The following RUFY1 variants were observed in gnomAD, a reference collection of about 807,000 sequenced individuals.
RUFY1 encodes the protein RUN and FYVE domain containing 1.
Under a neutral mutation model 94.6 loss-of-function variants are expected in RUFY1, and 54 were observed. That is an observed-to-expected ratio of 0.57 (90% CI 0.46 to 0.72). The LOEUF (loss-of-function observed/expected upper bound fraction) is 0.72. RUFY1 is among the 30% of genes least tolerant of loss of function. The probability of loss-of-function intolerance (pLI) is 0.00; values close to 1 mark genes in which losing one functional copy is unlikely to be tolerated. For missense variants in RUFY1, 883 were observed against 883.9 expected, an observed-to-expected ratio of 1.00 and a Z score of 0.01; for synonymous variants, 396 against 347.3, an observed-to-expected ratio of 1.14 and a Z score of -1.56.
intron 1 of RUFY1, chr5:179,555,526 G>A (rs1762069293): frequency 7.0e-6 from 2 of 287,328 alleles, no homozygotes; most frequent in Admixed American, 4.3e-5. Flanking sequence ...AACACTGCCA[G>A]CAGCACTTCC....
At chr5:179,567,329 A>C (rs1270852729) in intron 3 of RUFY1, 132 bp from the exon 4 acceptor site, 18 of 687,258 alleles carry the variant, frequency 2.6e-5, no homozygotes, top group Admixed American at 2.0e-4. Flanking sequence ...CCCAACCCCA[A>C]ACAGCCATTC....
intron 7 of RUFY1, among the ~76,000 whole-genome samples, chr5:179,581,549 TCCCCTCTAGAGA>T (rs1764163351): frequency 6.6e-6 from 1 of 150,970 alleles, no homozygotes; most frequent in African/African-American, 2.4e-5. Context: ...CCTTTCTGAG[TCCCCTCTAGAGA>T]GTACATTGCA....
At chr5:179,555,942 C>T (rs1172427611) in intron 1 of RUFY1, among the ~76,000 whole-genome samples, 1 of 151,920 alleles carries the variant, frequency 6.6e-6, no homozygotes, top group Non-Finnish European at 1.5e-5. Flanking sequence ...AAGTGATCTG[C>T]CCACCTCGGC....
chr5:179,589,335 TA>T (rs1352908488), intron 8 of RUFY1: 8 of 506,762 alleles, frequency 1.6e-5, no homozygotes, highest in African/African-American at 1.6e-4. Flanking sequence ...CAGAGATGGC[TA>T]GGGGCAAGGG....
chr5:179,565,164 CTTTTTTTTT>C (rs138223106), intron 3 of RUFY1, among the ~76,000 whole-genome samples: 236 of 71,952 alleles, frequency 3.3e-3, no homozygotes, highest in African/African-American at 0.012. Context: ...TCTAGGTTTT[CTTTTTTTTT>C]TTTTTTTTTT....
At chr5:179,588,950 C>G (rs1457076118) in intron 8 of RUFY1, among the ~76,000 whole-genome samples, 1 of 152,024 alleles carries the variant, frequency 6.6e-6, no homozygotes, top group Non-Finnish European at 1.5e-5. Flanking sequence ...AGGCTGGTCT[C>G]GAACTCCTGG....
intron 5 of RUFY1, among the ~76,000 whole-genome samples, chr5:179,573,446 C>G (rs1763371658): frequency 6.6e-6 from 1 of 152,150 alleles, no homozygotes; most frequent in Non-Finnish European, 1.5e-5. Flanking sequence ...CTGCTGATGT[C>G]TGAGGGATGC....
At chr5:179,563,190 T>A (rs1001099938) in intron 3 of RUFY1, among the ~76,000 whole-genome samples, 2 of 152,148 alleles carry the variant, frequency 1.3e-5, no homozygotes, top group African/African-American at 4.8e-5. Flanking sequence ...CTTGAGCCAA[T>A]GCAAAAGAAC....
At chr5:179,582,823 A>C (rs1285665336) in intron 7 of RUFY1, among the ~76,000 whole-genome samples, 1 of 152,186 alleles carries the variant, frequency 6.6e-6, no homozygotes, top group Non-Finnish European at 1.5e-5. Flanking sequence ...AGCCTGGGCA[A>C]CAAGAGCGAA....
rs757183321 is a variant in RUFY1 at position 179,607,651 on chromosome 5, C to T, written c.1975C>T (p.Arg659Trp). The T allele has an allele frequency of 8.1e-6, 13 of 1,613,846 alleles. No individual in the cohort carries two copies. The highest frequency in any genetic ancestry group is 4.4e-5 in the South Asian group (4 of 91,076). Residue 659 changes from arginine to tryptophan, a missense_variant, in exon 17 of 18, where the codon CGG becomes TGG. Physicochemically the swap from Arg to Trp is moderately radical, Grantham distance 101. Transcript: ENST00000319449. ...RQCEKEFSIS[R>W]RKHHCRNCGH... ...GTGTGAGAAGGAGTTCTCCATTTCC[C>T]GGAGAAAGGTACGTGGGGGCTCCAC...
chr5:179,607,041 G>C (rs1767162693), intron 16 of RUFY1: 1 of 159,188 alleles, frequency 6.3e-6, no homozygotes. Flanking sequence ...CCCCAGGGCT[G>C]GTCAAGAATC....
chr5:179,604,896 ATT>A (rs577214981), intron 15 of RUFY1, among the ~76,000 whole-genome samples: 169 of 151,628 alleles, frequency 1.1e-3, no homozygotes, highest in African/African-American at 4.0e-3. Flanking sequence ...AGGCAGGAGA[ATT>A]GCTTGAGCCC....
chr5:179,579,657 C>CTTTTTT lies in RUFY1; in HGVS notation c.891-1273_891-1268dup, dbSNP rs61062422. Among the ~76,000 whole-genome samples the CTTTTTT allele has an allele frequency of 1.5e-3, 74 of 50,560 alleles. 15 individuals are homozygous for CTTTTTT. In the East Asian group the frequency reaches 0.02, roughly 14 times the overall value. 33.2% of individuals were successfully genotyped at this position (50,560 alleles called of 152,430 possible). ...TAACAAAATATACCCTTTTCTTCTT[C>CTTTTTT]TTTTTTTTTTTTTTTTTTTTTTGAG... is the stretch of plus-strand genomic sequence containing the variant. On this transcript the variant is annotated intron_variant, in intron 6 of 17. Coordinates refer to ENST00000319449, the MANE Select transcript of RUFY1 (RefSeq NM_025158.5).
chr5:179,585,750 C>T (rs372824229), intron 7 of RUFY1, 46 bp from the exon 8 acceptor site: 16 of 1,383,252 alleles, frequency 1.2e-5, no homozygotes, highest in Non-Finnish European at 1.3e-5. Flanking sequence ...AGAAAACAGT[C>T]AGCTTGTATA....
intron 5 of RUFY1, among the ~76,000 whole-genome samples, chr5:179,576,779 A>C (rs1763646590): frequency 6.6e-6 from 1 of 152,196 alleles, no homozygotes; most frequent in Non-Finnish European, 1.5e-5. Context: ...CTTTGTACAC[A>C]AATAATTTTG....
intron 5 of RUFY1, among the ~76,000 whole-genome samples, chr5:179,570,240 A>G (rs1019345006): frequency 2.6e-5 from 4 of 152,176 alleles, no homozygotes; most frequent in African/African-American, 9.7e-5. Context: ...AGGTTTTTAA[A>G]AAGTACACTG....
At chr5:179,607,376 C>T (rs973718076) in intron 16 of RUFY1, 8 of 581,008 alleles carry the variant, frequency 1.4e-5, no homozygotes, top group African/African-American at 5.6e-5. Flanking sequence ...AGGTGGAGCA[C>T]GGAGCTAGGA....
Position 179,591,755 on chromosome 5 carries a change from A to AC in RUFY1, c.1245+16dup. On this transcript the variant is annotated intron_variant, in intron 10 of 17. Transcript: ENST00000319449. ...AAAGTCCGGTTGGTGAGTGTGCAAG[A>AC]CCGAGTGTCTTTAGAAAGAGTTTCC... 3.4e-6 allele frequency: 5 copies of AC among 1,450,988 alleles called. No homozygotes were observed. The highest frequency in any genetic ancestry group is 4.8e-6 in the Non-Finnish European group (5 of 1,046,088). 89.9% of individuals were successfully genotyped at this position (1,450,988 alleles called of 1,614,324 possible). A position where few individuals can be genotyped will look rare whatever the true frequency, so the allele number is the denominator to read the frequency against.
intron 1 of RUFY1, chr5:179,555,644 TTTGA>T: frequency 1.3e-5 from 4 of 319,476 alleles, no homozygotes; most frequent in East Asian, 1.4e-4. Context: ...TTTTTTTTTT[TTTGA>T]GCCGGCGTTT....
Sources: gnomAD v4.1 joint callset for allele counts (sites outside exome capture counted in the v4.1 genomes callset) on GRCh38, gnomAD v4.1.1 for gene constraint, MANE v1.5 for transcripts, NCBI Gene and HGNC (gene_info 2026-07-23, HGNC 2026-07-21) for gene names.